Variants in ADGRB3 observed in about 807,000 individuals in gnomAD.
The protein encoded by ADGRB3 is brain-specific angiogenesis inhibitor 3.
A neutral mutation model predicts 193.4 loss-of-function variants in ADGRB3; 37 were observed. The ratio of observed to expected loss-of-function variants is 0.19; its 90% CI spans 0.15 to 0.25. The LOEUF is 0.25. Among genes scored for constraint, ADGRB3 ranks in the 10% least tolerant of loss-of-function variants. The pLI is 1.00. For missense variants in ADGRB3, 1,637 were observed against 1,852.9 expected (o/e 0.88, Z 2.14); for synonymous variants, 690 against 644.2 (o/e 1.07, Z -1.08).
At chr6:68,641,671 T>C (rs188149353) in intron 3 of ADGRB3, among the ~76,000 whole-genome samples, 26 of 152,274 alleles carry the variant, frequency 1.7e-4, no homozygotes, top group Non-Finnish European at 2.1e-4. Flanking sequence ...AAGTAATTAC[T>C]GATGACACAT....
intron 20 of ADGRB3, among the ~76,000 whole-genome samples, chr6:69,281,492 C>T (rs1293178237): frequency 6.6e-6 from 1 of 152,152 alleles, no homozygotes; most frequent in Non-Finnish European, 1.5e-5. Context: ...CAGAGATGAG[C>T]CATATTACAG....
At chr6:69,381,057 C>A (rs1769937106) in intron 30 of ADGRB3, among the ~76,000 whole-genome samples, 3 of 151,738 alleles carry the variant, frequency 2.0e-5, no homozygotes, top group Admixed American at 2.0e-4. Context: ...TGACACAAAT[C>A]CATATTTTCA....
At chr6:68,681,804 A>G (rs958158464) in intron 3 of ADGRB3, among the ~76,000 whole-genome samples, 1 of 152,206 alleles carries the variant, frequency 6.6e-6, no homozygotes, top group Non-Finnish European at 1.5e-5. Context: ...CAGAGATTCA[A>G]TAGCTGTTCA....
chr6:69,296,074 A>G (rs1767809018), intron 20 of ADGRB3, among the ~76,000 whole-genome samples: 1 of 152,096 alleles, frequency 6.6e-6, no homozygotes, highest in Admixed American at 6.6e-5. Flanking sequence ...ATGTTATCCT[A>G]TTGCTTCTGT....
At chr6:69,332,069 G>C (rs1328838581) in intron 23 of ADGRB3, 2 of 985,196 alleles carry the variant, frequency 2.0e-6, no homozygotes, top group African/African-American at 1.7e-5. Context: ...GGCCAGAAAG[G>C]CAAAAAGAAG....
At chr6:69,071,311 C>G (rs1224491529) in intron 16 of ADGRB3, among the ~76,000 whole-genome samples, 3 of 151,912 alleles carry the variant, frequency 2.0e-5, no homozygotes, top group Non-Finnish European at 4.4e-5. Flanking sequence ...GAAAAGATGT[C>G]CAAATAACCT....
intron 3 of ADGRB3, among the ~76,000 whole-genome samples, chr6:68,783,203 C>T (rs796974271): frequency 6.0e-5 from 9 of 150,640 alleles, no homozygotes; most frequent in African/African-American, 1.7e-4. Flanking sequence ...ATAGTGCCCA[C>T]GGTGACAAGG....
intron 17 of ADGRB3, among the ~76,000 whole-genome samples, chr6:69,186,989 G>A (rs962564227): frequency 6.9e-6 from 1 of 143,940 alleles, no homozygotes; most frequent in Non-Finnish European, 1.5e-5. Context: ...TTTCTTCAAT[G>A]TATAGGTTCA....
chr6:68,719,038 A>G (rs1209916029), intron 3 of ADGRB3, among the ~76,000 whole-genome samples: 1 of 151,806 alleles, frequency 6.6e-6, no homozygotes, highest in East Asian at 1.9e-4. Context: ...CTAATTATGT[A>G]CTAGCACTTA....
At chr6:68,723,599 G>A (rs1765622488) in intron 3 of ADGRB3, among the ~76,000 whole-genome samples, 1 of 151,790 alleles carries the variant, frequency 6.6e-6, no homozygotes, top group Non-Finnish European at 1.5e-5. Context: ...CCAGGGGTGA[G>A]GATAATTTAT....
chr6:68,838,084 G>A (rs777653825), intron 3 of ADGRB3, among the ~76,000 whole-genome samples: 5 of 152,102 alleles, frequency 3.3e-5, no homozygotes, highest in Admixed American at 6.5e-5. Flanking sequence ...TACCAGCCTG[G>A]ACAATGATAG....
intron 3 of ADGRB3, among the ~76,000 whole-genome samples, chr6:68,685,824 C>A (rs933415895): frequency 6.6e-6 from 1 of 152,006 alleles, no homozygotes; most frequent in Non-Finnish European, 1.5e-5. Flanking sequence ...TCTGGAGGGG[C>A]GGAGGTTGCA....
At chr6:68,931,397 T>A (rs1385647358) in intron 4 of ADGRB3, among the ~76,000 whole-genome samples, 1 of 152,116 alleles carries the variant, frequency 6.6e-6, no homozygotes, top group Non-Finnish European at 1.5e-5. Flanking sequence ...ATTCATATTT[T>A]TTCTTATCAC....
intron 20 of ADGRB3, among the ~76,000 whole-genome samples, chr6:69,322,755 G>A (rs982982606): frequency 2.0e-5 from 3 of 151,912 alleles, no homozygotes; most frequent in East Asian, 1.9e-4. Flanking sequence ...TTAGTTTTGC[G>A]ACTTAAACCT....
At position 69,007,250 on chromosome 6, in the gene ADGRB3, A is replaced by G. The variant is rs546462393; in HGVS notation, c.1930-6788A>G. 3.5e-4 allele frequency among the ~76,000 whole-genome samples: 53 copies of G among 152,232 alleles called. 1 individual carries two copies. The South Asian group carries it at 7.3e-3, about 21-fold the overall frequency. The stretch of plus-strand genomic sequence containing the variant: ...GCTGCCATCATCTTTGGCCTCAATA[A>G]TTAAGACAAACTGAATTCTAACCTT... On this transcript the variant is annotated intron_variant, in intron 11 of 31. Transcript: ENST00000370598.
At chr6:69,088,166 A>G (rs902038134) in intron 17 of ADGRB3, among the ~76,000 whole-genome samples, 3 of 152,098 alleles carry the variant, frequency 2.0e-5, no homozygotes, top group African/African-American at 7.2e-5. Context: ...TGTAATAAAT[A>G]TTTACTGAAT....
intron 3 of ADGRB3, among the ~76,000 whole-genome samples, chr6:68,648,941 A>G (rs554588056): frequency 6.6e-6 from 1 of 152,242 alleles, no homozygotes; most frequent in Non-Finnish European, 1.5e-5. Context: ...TACAAAGAAT[A>G]TAATAACACC....
intron 13 of ADGRB3, among the ~76,000 whole-genome samples, chr6:69,027,809 A>G (rs964599022): frequency 6.6e-6 from 1 of 152,206 alleles, no homozygotes; most frequent in African/African-American, 2.4e-5. Flanking sequence ...ACCAGTAGGT[A>G]GAAATAGAGT....
chr6:69,081,602 TTCAC>T (rs937898138), intron 17 of ADGRB3, among the ~76,000 whole-genome samples: 2 of 152,026 alleles, frequency 1.3e-5, no homozygotes, highest in African/African-American at 4.8e-5. Context: ...TTTTTTCATA[TTCAC>T]AATTGTGTGT....
Sources: allele counts gnomAD v4.1 joint callset (sites outside exome capture counted in the v4.1 genomes callset), GRCh38; gene constraint gnomAD v4.1.1; transcripts MANE v1.5; gene names NCBI Gene and HGNC (gene_info 2026-07-23, HGNC 2026-07-21).